The following TAF11 variants were observed in gnomAD, a reference collection of about 807,000 sequenced individuals.
TAF11 encodes the protein transcription initiation factor TFIID subunit 11.
Under a neutral mutation model 23.0 loss-of-function variants are expected in TAF11, and 10 were observed. The observed-to-expected ratio is 0.43, with a 90% CI of 0.27 to 0.74. The LOEUF is 0.74. Ranked by LOEUF, TAF11 falls within the 30% of genes least tolerant of loss-of-function variation. The pLI, the probability that TAF11 is intolerant of heterozygous loss-of-function variation, is 0.19. For missense variants in TAF11, 196 were observed against 261.7 expected (o/e 0.75, Z 1.73); for synonymous variants, 85 against 95.8 (o/e 0.89, Z 0.66).
rs1393996599 is a variant in TAF11 at position 34,878,336 on chromosome 6, ATCT to A, written c.*251_*253del. ...TCCAGAAGATGCTTATGGCCCACGT[ATCT>A]TCTTCCAACTGGTCAAGACAGTTAA... On this transcript the variant is annotated 3_prime_UTR_variant, in exon 5 of 5. Coordinates refer to ENST00000361288, the MANE Select transcript of TAF11 (RefSeq NM_005643.4). 16 of 432,944 alleles carry A rather than the reference ATCT, an allele frequency of 3.7e-5. No homozygotes were observed. The highest frequency in any genetic ancestry group is 6.7e-5 in the Non-Finnish European group (16 of 239,838). 26.8% of individuals were successfully genotyped at this position (432,944 alleles called of 1,614,324 possible).
intron 1 of TAF11, among the ~76,000 whole-genome samples, chr6:34,883,434 C>T (rs13198340): frequency 0.03 from 4,592 of 152,240 alleles, 113 homozygotes; most frequent in Non-Finnish European, 0.047. Flanking sequence ...AAAGTCCCCT[C>T]CATCCAGCCA....
At position 34,882,959 on chromosome 6, in the gene TAF11, A is replaced by G; in HGVS notation, c.293T>C (p.Val98Ala). 1 of 1,608,108 alleles carries G rather than the reference A, an allele frequency of 6.2e-7. No individual in the cohort carries two copies. Among genetic ancestry groups the G allele is most frequent in the Non-Finnish European group, 8.5e-7 (1 of 1,178,226 alleles). Residue 98 changes from valine to alanine, a missense_variant, in exon 2 of 5, where the codon GTA becomes GCA. By Grantham distance (64) the Val-to-Ala change is moderately conservative (BLOSUM62 0). Coordinates refer to ENST00000361288, the MANE Select transcript of TAF11 (RefSeq NM_005643.4). ...CATCTTCTGAATCTCATCTTCATCT[A>G]CTTTCTGCTTTTTCTCTTTCTTTTC... ...TKEKKEKKQK[V>A]DEDEIQKMQI...
chr6:34,879,871 C>T (rs1406870937), intron 4 of TAF11, 96 bp downstream of exon 4: 3 of 1,483,124 alleles, frequency 2.0e-6, no homozygotes, highest in African/African-American at 2.8e-5. Context: ...CAAATGAGAA[C>T]TCCCATAGGT....
rs1216791259 is a variant in TAF11, at chr6:34,877,807, C to CA, written c.*782dup. 1 of 152,182 alleles carries CA rather than the reference C, an allele frequency of 6.6e-6. No homozygotes were observed. Among genetic ancestry groups the CA allele is most frequent in the East Asian group, 1.9e-4 (1 of 5,204 alleles). The allele number at this position is 152,182 out of a possible 1,614,324, so 9.4% of individuals were successfully genotyped here. ...GTTGGAAAACAGTTTAATGATCACT[C>CA]ACCAAAATCCACAGGAGAATCTTAA... On this transcript the variant is annotated 3_prime_UTR_variant, in exon 5 of 5. Transcript: ENST00000361288.
Position 34,887,995 on chromosome 6 carries a change from T to C in TAF11, c.-38A>G, listed in dbSNP as rs775369774. 6.8e-6 allele frequency: 11 copies of C among 1,611,096 alleles called. No individual in the cohort carries two copies. The highest frequency in any genetic ancestry group is 9.3e-6 in the Non-Finnish European group (11 of 1,178,278). On this transcript the variant is annotated 5_prime_UTR_variant, in exon 1 of 5. Coordinates refer to ENST00000361288, the MANE Select transcript of TAF11 (RefSeq NM_005643.4). ...TGGAGGGGAGAGGAGATCGCGGAGATGCCTGAGGCAGAAGCTCGGAAACCC... is the reference window on the plus strand; with the variant it reads ...TGGAGGGGAGAGGAGATCGCGGAGACGCCTGAGGCAGAAGCTCGGAAACCC...
chr6:34,885,081 C>A (rs562020902), intron 1 of TAF11, among the ~76,000 whole-genome samples: 3 of 150,542 alleles, frequency 2.0e-5, no homozygotes, highest in East Asian at 2.0e-4. Flanking sequence ...TTCCTACATT[C>A]TTCTGATTTA....
chr6:34,879,817 T>C, intron 4 of TAF11, 150 bp downstream of exon 4: 9 of 1,437,304 alleles, frequency 6.3e-6, no homozygotes, highest in Non-Finnish European at 8.2e-6. Flanking sequence ...ATAACAGTCA[T>C]GTTCTCCTAA....
chr6:34,883,560 C>G (rs77487017), intron 1 of TAF11, among the ~76,000 whole-genome samples: 7 of 152,224 alleles, frequency 4.6e-5, no homozygotes, highest in Non-Finnish European at 1.0e-4. Context: ...TTGGGACTTT[C>G]AAGTGAGCTT....
At chr6:34,883,806 CAT>C (rs1281491600) in intron 1 of TAF11, among the ~76,000 whole-genome samples, 5 of 152,050 alleles carry the variant, frequency 3.3e-5, no homozygotes, top group Admixed American at 6.5e-5. Context: ...GGCCAACAAT[CAT>C]GTGAAAAAAA....
chr6:34,881,839 G>A (rs1277542057), intron 2 of TAF11, among the ~76,000 whole-genome samples: 1 of 151,442 alleles, frequency 6.6e-6, no homozygotes, highest in Non-Finnish European at 1.5e-5. Flanking sequence ...TGGGACTACA[G>A]GCACCCACCA....
At chr6:34,887,683 T>C in intron 1 of TAF11, 104 bp downstream of exon 1, 1 of 1,403,754 alleles carries the variant, frequency 7.1e-7, no homozygotes, top group Non-Finnish European at 1.0e-6. Flanking sequence ...TTCTGGTGAG[T>C]TCGAGTTCTC....
intron 4 of TAF11, chr6:34,879,344 C>G (rs1561822464): frequency 2.1e-6 from 2 of 956,054 alleles, no homozygotes; most frequent in East Asian, 1.2e-4. Context: ...GATCACACCA[C>G]TGTTACCATC....
At chr6:34,882,574 G>A (rs1193009715) in intron 2 of TAF11, among the ~76,000 whole-genome samples, 1 of 151,752 alleles carries the variant, frequency 6.6e-6, no homozygotes, top group Non-Finnish European at 1.5e-5. Flanking sequence ...AACTCAGGAT[G>A]TGGAGGCTGC....
intron 1 of TAF11, 70 bp from the exon 2 acceptor site, chr6:34,883,150 T>C: frequency 1.4e-6 from 2 of 1,473,848 alleles, no homozygotes; most frequent in Non-Finnish European, 1.8e-6. Flanking sequence ...TAAGAAGACA[T>C]CATCCTTATC....
chr6:34,879,195 A>T (rs1766372472), intron 4 of TAF11: 1 of 175,206 alleles, frequency 5.7e-6, no homozygotes, highest in Non-Finnish European at 1.1e-5. Flanking sequence ...ACAGAGTGAG[A>T]CCCTGTCTCA....
chr6:34,881,281 A>G (rs1581640495), intron 2 of TAF11, among the ~76,000 whole-genome samples: 1 of 152,238 alleles, frequency 6.6e-6, no homozygotes, highest in East Asian at 1.9e-4. Context: ...ATGATTTATG[A>G]GCATATTTAC....
Position 34,878,467 on chromosome 6 carries a change from C to G in TAF11, c.*123G>C. 2.9e-6 allele frequency: 2 copies of G among 688,528 alleles called. No individual in the cohort carries two copies. The highest frequency in any genetic ancestry group is 5.2e-6 in the Non-Finnish European group (2 of 382,660). 42.7% of individuals were successfully genotyped at this position (688,528 alleles called of 1,614,324 possible). ...ACAAATATCAGAGTTTTGAGAAAGACATTAAAATCATCATGGAATCCTTGG... is the reference window on the plus strand; with the variant it reads ...ACAAATATCAGAGTTTTGAGAAAGAGATTAAAATCATCATGGAATCCTTGG... On this transcript the variant is annotated 3_prime_UTR_variant, in exon 5 of 5. Transcript: ENST00000361288.
intron 1 of TAF11, among the ~76,000 whole-genome samples, chr6:34,885,487 A>T (rs1766511114): frequency 6.6e-6 from 1 of 152,106 alleles, no homozygotes; most frequent in Non-Finnish European, 1.5e-5. Flanking sequence ...CATTAACAAG[A>T]TGTGGCCTGT....
In TAF11 at chr6:34,887,858, C is replaced by A. The variant is rs1766565611; in HGVS notation, c.100G>T (p.Asp34Tyr). Reference protein sequence around the residue: ...VPGDPGATDTDGIPEETDGDA... With the variant: ...VPGDPGATDTYGIPEETDGDA... Reference sequence around the variant, plus strand: ...CCGTCAGTTTCCTCTGGGATTCCATCGGTGTCGGTAGCCCCCGGGTCCCCG... The same window carrying A: ...CCGTCAGTTTCCTCTGGGATTCCATAGGTGTCGGTAGCCCCCGGGTCCCCG... Residue 34 changes from aspartate (D) to tyrosine (Y), a missense_variant, in exon 1 of 5, where the codon GAT becomes TAT. By Grantham distance (160) the Asp-to-Tyr change is radical. Transcript: ENST00000361288. 3 of 1,614,108 alleles carry A rather than the reference C, an allele frequency of 1.9e-6. No individual in the cohort carries two copies. Among genetic ancestry groups the A allele is most frequent in the African/African-American group, 1.3e-5 (1 of 74,938 alleles).
Sources: allele counts gnomAD v4.1 joint callset (sites outside exome capture counted in the v4.1 genomes callset), GRCh38; gene constraint gnomAD v4.1.1; transcripts MANE v1.5; gene names NCBI Gene and HGNC (gene_info 2026-07-23, HGNC 2026-07-21).